DCT: variants seen among roughly 807,000 people sequenced by gnomAD.
DCT encodes dopachrome tautomerase.
DCT carries 47 observed loss-of-function variants against 53.0 expected under a neutral mutation model. The ratio of observed to expected loss-of-function variants is 0.89; its 90% CI spans 0.70 to 1.13. The LOEUF (loss-of-function observed/expected upper bound fraction) is 1.13. Ranked by LOEUF, DCT falls within the 50% of genes most tolerant of loss-of-function variation. The pLI, the probability that DCT is intolerant of heterozygous loss-of-function variation, is 0.00. For synonymous variants in DCT, 244 were observed against 237.0 expected, an observed-to-expected ratio of 1.03 and a Z score of -0.27; for missense variants, 669 against 637.4, an observed-to-expected ratio of 1.05 and a Z score of -0.53.
intron 1 of DCT, among the ~76,000 whole-genome samples, chr13:94,475,849 A>G (rs560351368): frequency 5.6e-4 from 86 of 152,370 alleles, no homozygotes; most frequent in East Asian, 9.6e-4. Context: ...TTATGCCTCA[A>G]TAAAACTGGG....
the DCT span, among the ~76,000 whole-genome samples, chr13:94,524,591 GAA>G: frequency 5.3e-5 from 8 of 152,192 alleles, no homozygotes; most frequent in Admixed American, 5.2e-4. Flanking sequence ...CTCCTTCCAT[GAA>G]AAGAGAGATT....
At chr13:94,542,654 G>C in the DCT span, among the ~76,000 whole-genome samples, 1 of 152,164 alleles carries the variant, frequency 6.6e-6, no homozygotes, top group Non-Finnish European at 1.5e-5. Flanking sequence ...GAAGTTCTCC[G>C]ATTTTTACTT....
chr13:94,491,062 A>G, the DCT span, among the ~76,000 whole-genome samples: 3 of 152,184 alleles, frequency 2.0e-5, no homozygotes, highest in Non-Finnish European at 4.4e-5. Flanking sequence ...GAAGACCGGA[A>G]AGAATACAAA....
chr13:94,482,699 A>G (rs544321842), upstream of DCT, among the ~76,000 whole-genome samples: 1 of 152,330 alleles, frequency 6.6e-6, no homozygotes, highest in Admixed American at 6.5e-5. Context: ...TCAAAACTGT[A>G]TGTTCATCAA....
Position 94,465,636 on chromosome 13 carries a change from TCA to T in DCT, c.858_859del (p.Cys286Ter). ...TTGCAGGTACAGGAGCCATTACCTA[TCA>T]CAGACAGTTTCCCAGCTGGAGAATC... On this transcript the variant is annotated stop_gained and frameshift_variant, in exon 4 of 8. Coordinates refer to ENST00000377028, the MANE Select transcript of DCT (RefSeq NM_001922.5). LOFTEE classifies it high-confidence loss of function. The T allele has an allele frequency of 6.2e-7, 1 of 1,613,228 alleles. No individual in the cohort carries two copies. The highest frequency in any genetic ancestry group is 8.5e-7 in the Non-Finnish European group (1 of 1,179,576).
chr13:94,534,954 G>A, the DCT span, among the ~76,000 whole-genome samples: 1 of 152,202 alleles, frequency 6.6e-6, no homozygotes, highest in African/African-American at 2.4e-5. Context: ...AGTTGCCCAG[G>A]CTGGTCTCAA....
At chr13:94,480,493 G>A (rs552795417), upstream of DCT, among the ~76,000 whole-genome samples, 188 of 152,244 alleles carry the variant, frequency 1.2e-3, no homozygotes, top group Non-Finnish European at 2.0e-3. Context: ...GATGCGAAAC[G>A]GCTTCAGCTA....
the DCT span, among the ~76,000 whole-genome samples, chr13:94,505,610 A>C: frequency 2.0e-5 from 3 of 152,238 alleles, no homozygotes; most frequent in Non-Finnish European, 4.4e-5. Context: ...GGAGGATACC[A>C]ACAGCCATTC....
chr13:94,469,033 C>A lies in DCT; in HGVS notation c.308G>T (p.Gly103Val). 6.2e-7 allele frequency: 1 copy of A among 1,611,956 alleles called. No homozygotes were observed. The highest frequency in any genetic ancestry group is 8.5e-7 in the Non-Finnish European group (1 of 1,178,128). ...AAACTTGCAGTCTCCACAATTATAG[C>A]CGGCAAAGTTTCCTAGTTCACAAAA... The part of the protein sequence containing the change: ...RTCKCTGNFA[G>V]YNCGDCKFGW... The change falls in exon 2 of 8, where the codon GGC becomes GTC. Residue 103 changes from glycine to valine, a missense_variant. Physicochemically the swap from Gly to Val is moderately radical, Grantham distance 109 (BLOSUM62 -3). Transcript: ENST00000377028.
chr13:94,489,216 TA>T, the DCT span, among the ~76,000 whole-genome samples: 1 of 152,150 alleles, frequency 6.6e-6, no homozygotes, highest in Non-Finnish European at 1.5e-5. Flanking sequence ...AAATTCAAGT[TA>T]AAAAAATTTG....
rs1195255699 is a variant in DCT, at chr13:94,438,456, G to C, written c.*1442C>G. The C allele has an allele frequency of 1.5e-5, 5 of 331,652 alleles. No homozygotes were observed. In the East Asian group the frequency reaches 4.2e-4, roughly 28 times the overall value. 20.5% of individuals were successfully genotyped at this position (331,652 alleles called of 1,614,324 possible). On this transcript the variant is annotated 3_prime_UTR_variant, in exon 8 of 8. Transcript: ENST00000377028. ...CAGTCCTTTTGCATGGGGTAAACTG[G>C]TTCTTGATGAGTCTTGCACCCTCTA...
chr13:94,460,746 T>C (rs7990565), intron 5 of DCT, among the ~76,000 whole-genome samples: 76,326 of 151,782 alleles, frequency 0.5, 20,856 homozygotes, highest in African/African-American at 0.71. Flanking sequence ...GGTGACACAG[T>C]GAGATCCTGG....
At chr13:94,469,094 G>C in intron 1 of DCT, 49 bp from the exon 2 acceptor site, 1 of 1,489,152 alleles carries the variant, frequency 6.7e-7, no homozygotes, top group South Asian at 1.2e-5. Context: ...TATGTCGTTT[G>C]GAAGAAATTT....
Position 94,443,605 on chromosome 13 carries a change from A to G in DCT, c.1212T>C (p.Asp404=). 6.2e-7 allele frequency: 1 copy of G among 1,614,042 alleles called. No homozygotes were observed. Among genetic ancestry groups the G allele is most frequent in the South Asian group, 1.1e-5 (1 of 91,080 alleles). The change falls in exon 7 of 8, where the codon GAT becomes GAC. Residue 404 remains aspartate, a synonymous_variant. Coordinates refer to ENST00000377028, the MANE Select transcript of DCT (RefSeq NM_001922.5). ...VLHSFTDAIF[D]EWMKRFNPPA... is the part of the protein sequence containing the mutation. ...GAGGATTAAATCTTTTCATCCACTC[A>G]TCAAAGATGGCATCAGTAAAGGAAT...
chr13:94,513,356 G>A, the DCT span, among the ~76,000 whole-genome samples: 1 of 152,164 alleles, frequency 6.6e-6, no homozygotes, highest in Non-Finnish European at 1.5e-5. Context: ...AAAGTGCTTT[G>A]TAGAGCACAA....
chr13:94,523,961 C>A, the DCT span, among the ~76,000 whole-genome samples: 1 of 151,808 alleles, frequency 6.6e-6, no homozygotes, highest in Admixed American at 6.6e-5. Context: ...TGAGTGCAAA[C>A]GTATATATGA....
chr13:94,479,395 A>C lies in DCT; in HGVS notation c.-140T>G. On this transcript the variant is annotated 5_prime_UTR_variant, in exon 1 of 8. Coordinates refer to ENST00000377028, the MANE Select transcript of DCT (RefSeq NM_001922.5). ...TGCTTTCTATTCCTTTCTTCTTAAA[A>C]AAATACCCACAAGAATCACAGAGGT... 1.2e-6 allele frequency: 1 copy of C among 812,070 alleles called. No individual in the cohort carries two copies. The highest frequency in any genetic ancestry group is 1.7e-5 in the African/African-American group (1 of 57,942). 50.3% of individuals were successfully genotyped at this position (812,070 alleles called of 1,614,324 possible). A position where few individuals can be genotyped will look rare whatever the true frequency, so the allele number is the denominator to read the frequency against.
At chr13:94,536,447 G>A in the DCT span, among the ~76,000 whole-genome samples, 1 of 152,168 alleles carries the variant, frequency 6.6e-6, no homozygotes, top group Non-Finnish European at 1.5e-5. Flanking sequence ...AGTGTTGGAG[G>A]TGGGGCCTGG....
At position 94,468,854 on chromosome 13, in the gene DCT, A is replaced by G. The variant is rs201197134; in HGVS notation, c.487T>C (p.Trp163Arg). ...HPDYVITTQH[W>R]LGLLGPNGTQ... Reference sequence around the variant, plus strand: ...CCATTGGGCCCAAGCAGGCCCAGCCAGTGTTGTGTGGTGATCACGTAGTCG... The same window carrying G: ...CCATTGGGCCCAAGCAGGCCCAGCCGGTGTTGTGTGGTGATCACGTAGTCG... The change falls in exon 2 of 8, where the codon TGG (tryptophan) becomes CGG (arginine). Residue 163 changes from tryptophan (W) to arginine (R), a missense_variant. Coordinates refer to ENST00000377028, the MANE Select transcript of DCT (RefSeq NM_001922.5). 6.8e-6 allele frequency: 11 copies of G among 1,614,076 alleles called. No individual in the cohort carries two copies. The highest frequency in any genetic ancestry group is 9.3e-6 in the Non-Finnish European group (11 of 1,180,036).
Sources: gnomAD v4.1 joint callset for allele counts (sites outside exome capture counted in the v4.1 genomes callset) on GRCh38, gnomAD v4.1.1 for gene constraint, MANE v1.5 for transcripts, NCBI Gene and HGNC (gene_info 2026-07-23, HGNC 2026-07-21) for gene names.